Variants in SAMD4A observed in about 807,000 individuals in gnomAD.
SAMD4A encodes protein Smaug homolog 1.
A neutral mutation model predicts 81.3 loss-of-function variants in SAMD4A; 33 were observed. That is an observed-to-expected ratio of 0.41 (90% CI 0.31 to 0.54). The LOEUF (loss-of-function observed/expected upper bound fraction) is 0.54, where lower values mean the gene tolerates loss of function less well. Ranked by LOEUF, SAMD4A falls within the 20% of genes least tolerant of loss-of-function variation. The pLI, the probability that SAMD4A is intolerant of heterozygous loss-of-function variation, is 0.37. For synonymous variants in SAMD4A, 389 were observed against 382.1 expected (o/e 1.02, Z -0.21); for missense variants, 854 against 951.1 (o/e 0.90, Z 1.34).
chr14:54,647,531 A>C (rs958322855), intron 2 of SAMD4A, among the ~76,000 whole-genome samples: 3 of 152,228 alleles, frequency 2.0e-5, no homozygotes, highest in Non-Finnish European at 2.9e-5. Flanking sequence ...AAACCATTCA[A>C]TCTAAAATAG....
In SAMD4A at chr14:54,788,967, C is replaced by T. The variant is rs1161545208; in HGVS notation, c.*23C>T. The stretch of plus-strand genomic sequence containing the variant: ...TAGAAGCTGAAGACGAGAGTGACCG[C>T]GCTGGCCGTGAAATCGACTGCTGCG... On this transcript the variant is annotated 3_prime_UTR_variant, in exon 13 of 13. Transcript: ENST00000554335. 5 of 1,613,598 alleles carry T rather than the reference C, an allele frequency of 3.1e-6. No individual in the cohort carries two copies. Among genetic ancestry groups the T allele is most frequent in the Admixed American group, 1.7e-5 (1 of 59,998 alleles).
chr14:54,770,003 G>GCAA (rs202123629), intron 8 of SAMD4A, 101 bp from the exon 9 acceptor site: 13,751 of 740,656 alleles, frequency 0.019, 172 homozygotes, highest in Non-Finnish European at 0.025. Context: ...TGAAGAAAAG[G>GCAA]CAACTGCAGA....
intron 2 of SAMD4A, among the ~76,000 whole-genome samples, chr14:54,607,515 G>C (rs1473621753): frequency 2.0e-5 from 3 of 151,276 alleles, no homozygotes; most frequent in Non-Finnish European, 4.4e-5. Flanking sequence ...GAGTGCAGTG[G>C]CACGATCTCT....
rs750044091 is a variant in SAMD4A at position 54,770,209 on chromosome 14, C to G, written c.1702C>G (p.Arg568Gly). ...AACCCTTCTAGACATATCAGGATAT[C>G]GACAGCAAAGAAAGTATGTTGGGAT... Reference protein sequence around the residue: ...RKTLLDISGYRQQRNRGFGQS... With the variant: ...RKTLLDISGYGQQRNRGFGQS... The change falls in exon 9 of 13, where the codon CGA becomes GGA. Residue 568 changes from arginine to glycine, a missense_variant. Physicochemically the swap from Arg to Gly is moderately radical, Grantham distance 125. This residue lies in a region of SAMD4A where 428 missense variants were observed against 471.2 expected (regional missense o/e 0.91). Transcript: ENST00000554335. 4 of 1,607,726 alleles carry G rather than the reference C, an allele frequency of 2.5e-6. No individual in the cohort carries two copies. The highest frequency in any genetic ancestry group is 1.3e-5 in the African/African-American group (1 of 74,894).
chr14:54,717,387 G>A (rs2037144438), intron 3 of SAMD4A, among the ~76,000 whole-genome samples: 1 of 150,508 alleles, frequency 6.6e-6, no homozygotes, highest in South Asian at 2.1e-4. Context: ...GCTGCAGTGA[G>A]CTATGATTGC....
intron 11 of SAMD4A, among the ~76,000 whole-genome samples, chr14:54,782,738 C>T (rs2039030388): frequency 6.6e-6 from 1 of 152,246 alleles, no homozygotes; most frequent in South Asian, 2.1e-4. Flanking sequence ...ACATCTGCCT[C>T]TGAATTAGCT....
At chr14:54,660,081 GAAAA>G (rs1249707670) in intron 2 of SAMD4A, among the ~76,000 whole-genome samples, 4 of 141,756 alleles carry the variant, frequency 2.8e-5, no homozygotes, top group African/African-American at 1.0e-4. Context: ...CTCCGTCTCA[GAAAA>G]AAAAAAAAAA....
intron 8 of SAMD4A, 124 bp from the exon 9 acceptor site, chr14:54,769,980 G>C: frequency 4.4e-6 from 3 of 681,228 alleles, no homozygotes; most frequent in South Asian, 3.7e-5. Flanking sequence ...GTTTGGACCA[G>C]GTTAGAAACA....
At chr14:54,637,912 T>A (rs61975159) in intron 2 of SAMD4A, among the ~76,000 whole-genome samples, 8,166 of 152,264 alleles carry the variant, frequency 0.054, 302 homozygotes, top group Non-Finnish European at 0.084. Flanking sequence ...CATACACCAA[T>A]AAACAACGTG....
At chr14:54,602,153 A>G (rs1282621381) in intron 2 of SAMD4A, among the ~76,000 whole-genome samples, 2 of 152,204 alleles carry the variant, frequency 1.3e-5, no homozygotes, top group Admixed American at 6.5e-5. Flanking sequence ...CATGGATTAG[A>G]TAACTGTGGA....
chr14:54,682,285 C>G (rs997846652), intron 2 of SAMD4A, among the ~76,000 whole-genome samples: 1 of 152,314 alleles, frequency 6.6e-6, no homozygotes, highest in South Asian at 2.1e-4. Context: ...GGCCTCCTGT[C>G]TCTTCTGTTT....
chr14:54,759,164 A>C (rs2038324606), intron 6 of SAMD4A, among the ~76,000 whole-genome samples: 1 of 152,236 alleles, frequency 6.6e-6, no homozygotes, highest in South Asian at 2.1e-4. Context: ...ATTATATTAC[A>C]GTTCTATACA....
intron 9 of SAMD4A, among the ~76,000 whole-genome samples, chr14:54,773,879 C>T (rs993530179): frequency 4.6e-5 from 7 of 152,230 alleles, no homozygotes; most frequent in African/African-American, 1.7e-4. Context: ...AGGCACCGGA[C>T]ATGCAGGATG....
intron 7 of SAMD4A, among the ~76,000 whole-genome samples, chr14:54,762,300 G>A (rs368698204): frequency 8.5e-5 from 13 of 152,256 alleles, no homozygotes; most frequent in African/African-American, 2.6e-4. Context: ...TTTTCCTTTG[G>A]AAGGGGAAAA....
Position 54,715,587 on chromosome 14 carries a change from G to A in SAMD4A, c.715+13007G>A, listed in dbSNP as rs528166424. 1.9e-4 allele frequency among the ~76,000 whole-genome samples: 29 copies of A among 152,242 alleles called. 1 individual carries two copies. Among genetic ancestry groups the A allele is most frequent in the Admixed American group, 1.4e-3 (22 of 15,290 alleles). ...CCTGGAGTGTGAAGGGAAGTCTGGTGGACAGGGTGGGGGAATTATTTATCA... is the reference window on the plus strand; with the variant it reads ...CCTGGAGTGTGAAGGGAAGTCTGGTAGACAGGGTGGGGGAATTATTTATCA... On this transcript the variant is annotated intron_variant, in intron 3 of 12. Coordinates refer to ENST00000554335, the MANE Select transcript of SAMD4A (RefSeq NM_015589.6).
chr14:54,570,115 C>T (rs1476513897), intron 2 of SAMD4A, among the ~76,000 whole-genome samples: 1 of 152,150 alleles, frequency 6.6e-6, no homozygotes, highest in Non-Finnish European at 1.5e-5. Context: ...GAACTGGTCT[C>T]CAGTTTCTGG....
intron 2 of SAMD4A, among the ~76,000 whole-genome samples, chr14:54,674,863 C>G (rs2359358): frequency 0.19 from 29,374 of 152,160 alleles, 3,118 homozygotes; most frequent in African/African-American, 0.27. Flanking sequence ...ATCCTCCCAC[C>G]TCAGCCTCTT....
chr14:54,583,375 C>T (rs1398791508), intron 2 of SAMD4A, among the ~76,000 whole-genome samples: 1 of 152,104 alleles, frequency 6.6e-6, no homozygotes, highest in Non-Finnish European at 1.5e-5. Context: ...AGTCTGGCAA[C>T]CTTGTCCTGA....
chr14:54,581,181 C>T (rs2033454369), intron 2 of SAMD4A, among the ~76,000 whole-genome samples: 1 of 152,216 alleles, frequency 6.6e-6, no homozygotes, highest in Non-Finnish European at 1.5e-5. Flanking sequence ...AAGGCTATTA[C>T]CAGGATTGTG....
Sources: allele counts gnomAD v4.1 joint callset (sites outside exome capture counted in the v4.1 genomes callset), GRCh38; gene constraint gnomAD v4.1.1; regional missense constraint gnomAD v4.1.1; transcripts MANE v1.5; gene names NCBI Gene and HGNC (gene_info 2026-07-23, HGNC 2026-07-21).